Variants in SMCO4 observed in about 807,000 individuals in gnomAD.
The protein encoded by SMCO4 is single-pass membrane protein with coiled-coil domains 4, also known as single-pass membrane and coiled-coil domain-containing protein 4.
SMCO4 carries 4 observed loss-of-function variants against 3.6 expected under a neutral mutation model. The ratio of observed to expected loss-of-function variants is 1.11; its 90% confidence interval spans 0.54 to 2.53. SMCO4 has a LOEUF of 2.53. SMCO4 is among the 30% of genes most tolerant of loss of function. The pLI, the probability that SMCO4 is intolerant of heterozygous loss-of-function variation, is 0.02. For synonymous variants in SMCO4, 36 were observed against 35.3 expected (o/e 1.02, Z -0.07); for missense variants, 70 against 80.8 (o/e 0.87, Z 0.51).
chr11:93,481,424 T>C lies in SMCO4; in HGVS notation c.-80-2155A>G, dbSNP rs902001320. ...TAAGCCTGACTGCAGCCTTGAGTGA[T>C]GCCCACCTTCGCGGGACCGTGGTGA... On this transcript the variant is annotated intron_variant, in intron 2 of 2. Transcript: ENST00000298966. 2.2e-5 allele frequency: 22 copies of C among 985,310 alleles called. No individual in the cohort carries two copies. The African/African-American group carries it at 3.8e-4, about 17-fold the overall frequency. The allele number at this position is 985,310 out of a possible 1,614,324, so 61.0% of individuals were successfully genotyped here. A position where few individuals can be genotyped will look rare whatever the true frequency, so the allele number is the denominator to read the frequency against.
chr11:93,501,506 C>T (rs550278746), intron 1 of SMCO4, among the ~76,000 whole-genome samples: 1 of 152,292 alleles, frequency 6.6e-6, no homozygotes, highest in East Asian at 1.9e-4. Flanking sequence ...CACATCATTC[C>T]GACCTCTGCC....
At chr11:93,529,871 T>C (rs1421525784) in intron 1 of SMCO4, among the ~76,000 whole-genome samples, 1 of 152,086 alleles carries the variant, frequency 6.6e-6, no homozygotes, top group Non-Finnish European at 1.5e-5. Flanking sequence ...TTATGACAAA[T>C]AAGAACAACA....
chr11:93,492,735 G>C (rs892468270), intron 2 of SMCO4, among the ~76,000 whole-genome samples: 1 of 152,198 alleles, frequency 6.6e-6, no homozygotes, highest in African/African-American at 2.4e-5. Context: ...CAAGGGGCCA[G>C]GGCGACCAGA....
chr11:93,550,872 C>A, the SMCO4 span, among the ~76,000 whole-genome samples: 2 of 152,172 alleles, frequency 1.3e-5, no homozygotes, highest in Non-Finnish European at 2.9e-5. Context: ...AAACCTATAA[C>A]CACAAGATCT....
intron 1 of SMCO4, among the ~76,000 whole-genome samples, chr11:93,504,680 C>A (rs1948881728): frequency 6.6e-6 from 1 of 152,204 alleles, no homozygotes; most frequent in Non-Finnish European, 1.5e-5. Flanking sequence ...GACCACAGGC[C>A]AATTTTACTG....
At chr11:93,490,889 G>T (rs930240473) in intron 2 of SMCO4, among the ~76,000 whole-genome samples, 1 of 152,174 alleles carries the variant, frequency 6.6e-6, no homozygotes, top group African/African-American at 2.4e-5. Flanking sequence ...GCTGAAGAAG[G>T]GACTTCAGAA....
intron 2 of SMCO4, among the ~76,000 whole-genome samples, chr11:93,486,917 G>A (rs184107976): frequency 1.3e-5 from 2 of 152,316 alleles, no homozygotes; most frequent in African/African-American, 4.8e-5. Flanking sequence ...TCCCTAAGAA[G>A]TGGCTGCATG....
rs76804359 is a variant in SMCO4 at position 93,502,068 on chromosome 11, T to C, written c.-153-2720A>G. Among the ~76,000 whole-genome samples, 33 of 151,850 alleles carry C rather than the reference T, an allele frequency of 2.2e-4. 1 individual carries two copies. In the East Asian group the frequency reaches 6.4e-3, roughly 30 times the overall value. On this transcript the variant is annotated intron_variant, in intron 1 of 2. Coordinates refer to ENST00000298966, the MANE Select transcript of SMCO4 (RefSeq NM_020179.3). ...CAGATGCAAACTGTTCCCTTAGCCT[T>C]TCCCACGGCTGATCTCCCAGATAAT...
intron 1 of SMCO4, chr11:93,535,595 A>C: frequency 6.5e-7 from 1 of 1,540,856 alleles, no homozygotes; most frequent in East Asian, 2.2e-5. Context: ...ATTCCAAAGA[A>C]AGGTACTGTG....
At chr11:93,548,624 G>C in the SMCO4 span, among the ~76,000 whole-genome samples, 2 of 152,188 alleles carry the variant, frequency 1.3e-5, no homozygotes, top group Non-Finnish European at 2.9e-5. Context: ...GCTGGGCCTT[G>C]GTTCTGTCCT....
At chr11:93,517,498 T>C (rs1297073245) in intron 1 of SMCO4, among the ~76,000 whole-genome samples, 8 of 152,170 alleles carry the variant, frequency 5.3e-5, no homozygotes, top group Non-Finnish European at 1.0e-4. Flanking sequence ...ACAAGATTTT[T>C]AAAATTCTTC....
At chr11:93,544,935 G>T (rs1949303927), upstream of SMCO4, among the ~76,000 whole-genome samples, 1 of 152,332 alleles carries the variant, frequency 6.6e-6, no homozygotes, top group East Asian at 1.9e-4. Context: ...TGCGCTGAAA[G>T]AATGAGGGGA....
At chr11:93,528,430 C>A (rs1194275028) in intron 1 of SMCO4, among the ~76,000 whole-genome samples, 2 of 152,214 alleles carry the variant, frequency 1.3e-5, no homozygotes, top group Non-Finnish European at 2.9e-5. Flanking sequence ...TTAGCCAAAT[C>A]CTCCACCACC....
intron 2 of SMCO4, among the ~76,000 whole-genome samples, chr11:93,492,736 G>A (rs1948733083): frequency 6.6e-6 from 1 of 152,164 alleles, no homozygotes; most frequent in South Asian, 2.1e-4. Context: ...AAGGGGCCAG[G>A]GCGACCAGAG....
At chr11:93,481,628 C>T in intron 2 of SMCO4, 1 of 524,354 alleles carries the variant, frequency 1.9e-6, no homozygotes, top group Non-Finnish European at 2.4e-6. Flanking sequence ...AAATGTCTTG[C>T]CAACAGTCAC....
chr11:93,531,435 G>A (rs1949161507), intron 1 of SMCO4, among the ~76,000 whole-genome samples: 1 of 152,240 alleles, frequency 6.6e-6, no homozygotes. Flanking sequence ...CTCAGTACTT[G>A]GATTGGAACT....
chr11:93,523,575 C>A (rs965992307), intron 1 of SMCO4, among the ~76,000 whole-genome samples: 1 of 152,074 alleles, frequency 6.6e-6, no homozygotes, highest in African/African-American at 2.4e-5. Context: ...AGGAGAATCG[C>A]CTGAGCCTGG....
chr11:93,530,749 C>T (rs1410803555), intron 1 of SMCO4, among the ~76,000 whole-genome samples: 1 of 152,176 alleles, frequency 6.6e-6, no homozygotes, highest in Non-Finnish European at 1.5e-5. Context: ...ACACAGAATC[C>T]TCTTCCTCCA....
intron 1 of SMCO4, among the ~76,000 whole-genome samples, chr11:93,528,655 C>T (rs1459579310): frequency 6.6e-6 from 1 of 152,050 alleles, no homozygotes. Context: ...GTGCAAGGGG[C>T]TGCCCAGAGT....
Sources: allele counts gnomAD v4.1 joint callset (sites outside exome capture counted in the v4.1 genomes callset), GRCh38; gene constraint gnomAD v4.1.1; transcripts MANE v1.5; gene names NCBI Gene and HGNC (gene_info 2026-07-23, HGNC 2026-07-21).